NEK1: variants seen among roughly 807,000 people sequenced by gnomAD.
NEK1 encodes NIMA related kinase 1, also known as serine/threonine-protein kinase Nek1.
Under a neutral mutation model 182.1 loss-of-function variants are expected in NEK1, and 137 were observed. That is an observed-to-expected ratio of 0.75 (90% CI 0.65 to 0.87). The LOEUF (loss-of-function observed/expected upper bound fraction) is 0.87, where lower values mean the gene tolerates loss of function less well. NEK1 is among the 40% of genes least tolerant of loss of function. The pLI is 0.00. For missense variants in NEK1, 1,391 were observed against 1,494.4 expected (o/e 0.93, Z 1.14); for synonymous variants, 513 against 492.2 (o/e 1.04, Z -0.56).
chr4:169,470,233 T>C (rs1745702130), intron 26 of NEK1, among the ~76,000 whole-genome samples: 1 of 152,230 alleles, frequency 6.6e-6, no homozygotes, highest in Non-Finnish European at 1.5e-5. Context: ...CAATGGTCTT[T>C]ACATTTTGGT....
intron 16 of NEK1, among the ~76,000 whole-genome samples, chr4:169,556,659 A>G (rs1182773107): frequency 6.6e-6 from 1 of 152,148 alleles, no homozygotes; most frequent in Non-Finnish European, 1.5e-5. Flanking sequence ...CAAAACTAGA[A>G]AAACATTCAA....
chr4:169,577,679 A>G (rs1765925152), intron 11 of NEK1, among the ~76,000 whole-genome samples: 1 of 151,992 alleles, frequency 6.6e-6, no homozygotes, highest in Non-Finnish European at 1.5e-5. Context: ...GCGTGAACCC[A>G]GGAGGTGGAG....
chr4:169,587,020 C>T (rs1239074678), intron 9 of NEK1, among the ~76,000 whole-genome samples: 1 of 151,758 alleles, frequency 6.6e-6, no homozygotes, highest in East Asian at 1.9e-4. Context: ...CAAAAAACTG[C>T]TTTTTTAAGA....
intron 27 of NEK1, among the ~76,000 whole-genome samples, chr4:169,456,499 C>G (rs1320347654): frequency 3.9e-5 from 6 of 151,908 alleles, no homozygotes; most frequent in Non-Finnish European, 7.4e-5. Flanking sequence ...CCCAAGCAAA[C>G]AAAATCAGAG....
intron 23 of NEK1, among the ~76,000 whole-genome samples, chr4:169,492,911 T>C (rs944364115): frequency 1.3e-5 from 2 of 152,138 alleles, no homozygotes; most frequent in African/African-American, 4.8e-5. Context: ...GCAGCGCCAA[T>C]GCCTCGGAAC....
chr4:169,522,922 C>T (rs1756324144), intron 19 of NEK1, among the ~76,000 whole-genome samples: 2 of 152,138 alleles, frequency 1.3e-5, no homozygotes, highest in Non-Finnish European at 2.9e-5. Flanking sequence ...CTCTCTAATA[C>T]CCAGTCCAAG....
intron 12 of NEK1, among the ~76,000 whole-genome samples, chr4:169,576,096 C>T (rs984177833): frequency 7.2e-5 from 11 of 151,900 alleles, no homozygotes; most frequent in South Asian, 2.1e-4. Context: ...TCCTGAGTAG[C>T]TGGGACTATA....
chr4:169,449,840 C>T (rs1741352515), intron 27 of NEK1, among the ~76,000 whole-genome samples: 1 of 152,180 alleles, frequency 6.6e-6, no homozygotes, highest in Non-Finnish European at 1.5e-5. Context: ...GACAAGTTGA[C>T]AGAAGTAGGC....
At chr4:169,488,807 T>G (rs1749519590) in intron 23 of NEK1, among the ~76,000 whole-genome samples, 1 of 152,228 alleles carries the variant, frequency 6.6e-6, no homozygotes, top group Non-Finnish European at 1.5e-5. Flanking sequence ...ATATAACATC[T>G]AGATTATGCT....
intron 26 of NEK1, among the ~76,000 whole-genome samples, chr4:169,469,426 G>A (rs574292446): frequency 1.3e-5 from 2 of 152,278 alleles, no homozygotes; most frequent in African/African-American, 2.4e-5. Flanking sequence ...TAGTTGTGAG[G>A]TTTTGAGGGA....
At chr4:169,593,933 G>A (rs1197482719) in intron 5 of NEK1, among the ~76,000 whole-genome samples, 4 of 150,636 alleles carry the variant, frequency 2.7e-5, no homozygotes, top group Non-Finnish European at 4.4e-5. Flanking sequence ...AGCTTGCAGT[G>A]AGCCGAGATC....
intron 19 of NEK1, among the ~76,000 whole-genome samples, chr4:169,532,071 T>A (rs1226282264): frequency 6.6e-6 from 1 of 152,114 alleles, no homozygotes; most frequent in East Asian, 1.9e-4. Context: ...AATAGATCAG[T>A]GGTTGCCTAC....
At chr4:169,487,320 A>G (rs1187532393) in intron 23 of NEK1, among the ~76,000 whole-genome samples, 3 of 152,094 alleles carry the variant, frequency 2.0e-5, no homozygotes, top group Non-Finnish European at 1.5e-5. Context: ...CCCTTCCTCC[A>G]CATCCCTCAA....
chr4:169,444,700 AC>A (rs1740168201), intron 27 of NEK1, among the ~76,000 whole-genome samples: 1 of 152,210 alleles, frequency 6.6e-6, no homozygotes. Context: ...GATAATCTAG[AC>A]TGAAAATTAA....
chr4:169,439,782 T>A (rs146763541), intron 27 of NEK1, among the ~76,000 whole-genome samples: 176 of 151,060 alleles, frequency 1.2e-3, no homozygotes, highest in African/African-American at 3.6e-3. Context: ...AGCGTCCAGA[T>A]ATAAAATTTT....
chr4:169,456,410 A>C (rs1362514304), intron 27 of NEK1, among the ~76,000 whole-genome samples: 2 of 152,182 alleles, frequency 1.3e-5, no homozygotes, highest in Non-Finnish European at 2.9e-5. Context: ...ACAAAAGATA[A>C]ATGAAATCAA....
intron 31 of NEK1, among the ~76,000 whole-genome samples, chr4:169,423,287 G>C (rs1287779825): frequency 6.6e-6 from 1 of 152,144 alleles, no homozygotes; most frequent in Non-Finnish European, 1.5e-5. Context: ...ATTTTTAGTA[G>C]AGATGGGGTT....
At chr4:169,480,787 TAGGC>T (rs1319119115) in intron 23 of NEK1, among the ~76,000 whole-genome samples, 1 of 152,186 alleles carries the variant, frequency 6.6e-6, no homozygotes, top group African/African-American at 2.4e-5. Context: ...CTATATTGCC[TAGGC>T]TGGTCTTGAA....
At chr4:169,559,758 C>T (rs562142195) in intron 16 of NEK1, among the ~76,000 whole-genome samples, 1 of 152,230 alleles carries the variant, frequency 6.6e-6, no homozygotes, top group African/African-American at 2.4e-5. Flanking sequence ...GCCTGTAATC[C>T]CAGCACTTTG....
Sources: gnomAD v4.1 joint callset for allele counts (sites outside exome capture counted in the v4.1 genomes callset) on GRCh38, gnomAD v4.1.1 for gene constraint, MANE v1.5 for transcripts, NCBI Gene and HGNC (gene_info 2026-07-23, HGNC 2026-07-21) for gene names.